Variants in STK24 observed in about 807,000 individuals in gnomAD.
STK24 encodes the protein serine/threonine-protein kinase 24.
STK24 carries 21 observed loss-of-function variants against 55.6 expected under a neutral mutation model. That is an observed-to-expected ratio of 0.38 (90% CI 0.27 to 0.54). STK24 has a LOEUF of 0.54. STK24 is among the 20% of genes least tolerant of loss of function. The probability of loss-of-function intolerance (pLI) is 0.79; values close to 1 mark genes in which losing one functional copy is unlikely to be tolerated. For missense variants in STK24, 383 were observed against 538.4 expected (o/e 0.71, Z 2.86); for synonymous variants, 200 against 215.2 (o/e 0.93, Z 0.62).
chr13:98,516,603 C>A (rs114978526), intron 2 of STK24, among the ~76,000 whole-genome samples: 2,446 of 152,318 alleles, frequency 0.016, 90 homozygotes, highest in African/African-American at 0.055. Flanking sequence ...ATGTGCCCTA[C>A]GTCCAGGCCT....
chr13:98,544,622 A>G (rs1896984110), intron 1 of STK24, among the ~76,000 whole-genome samples: 2 of 152,248 alleles, frequency 1.3e-5, no homozygotes, highest in African/African-American at 4.8e-5. Context: ...GCCAGGGTAC[A>G]TGGCAGGTCC....
At chr13:98,531,818 C>T (rs1422325847) in intron 1 of STK24, among the ~76,000 whole-genome samples, 1 of 152,132 alleles carries the variant, frequency 6.6e-6, no homozygotes, top group Non-Finnish European at 1.5e-5. Flanking sequence ...CCCACAATGG[C>T]CTCTGCTCTG....
chr13:98,506,976 T>C (rs369092547), intron 2 of STK24, among the ~76,000 whole-genome samples: 6 of 152,084 alleles, frequency 3.9e-5, no homozygotes, highest in East Asian at 1.9e-4. Flanking sequence ...ACTGGACACA[T>C]GCAAAGGGCG....
chr13:98,511,712 T>C lies in STK24; in HGVS notation c.273+7531A>G, dbSNP rs573592272. Among the ~76,000 whole-genome samples, 8 of 152,260 alleles carry C rather than the reference T, an allele frequency of 5.3e-5. No homozygotes were observed. In the South Asian group the frequency reaches 1.5e-3, roughly 28 times the overall value. Reference sequence around the variant, plus strand: ...AAAGCCACTAACAACAGATGTGTGATTCCATCTACGGTGCTCCGGAAAAGC... The same window carrying C: ...AAAGCCACTAACAACAGATGTGTGACTCCATCTACGGTGCTCCGGAAAAGC... On this transcript the variant is annotated intron_variant, in intron 2 of 10. Transcript: ENST00000539966.
In STK24 at chr13:98,448,332, C is replaced by T. The variant is rs190512050; in HGVS notation, c.*4841G>A. The T allele has an allele frequency of 1.1e-5, 17 of 1,589,906 alleles. No homozygotes were observed. Among genetic ancestry groups the T allele is most frequent in the African/African-American group, 8.0e-5 (6 of 74,604 alleles). On this transcript the variant is annotated 3_prime_UTR_variant, in exon 11 of 11. Coordinates refer to ENST00000539966, the MANE Select transcript of STK24 (RefSeq NM_001032296.4). ...TTGTGTATTGATGGCCGGACACACT[C>T]GTTTCCGCAGTGGCTGCTTTCCTGG...
At chr13:98,457,910 C>T (rs141643897) in intron 9 of STK24, among the ~76,000 whole-genome samples, 11 of 152,296 alleles carry the variant, frequency 7.2e-5, no homozygotes, top group South Asian at 6.2e-4. Flanking sequence ...CAAGTCTCAC[C>T]GTGATGGACT....
chr13:98,446,595 C>A lies in STK24; in HGVS notation c.*6578G>T. 1 of 1,518,512 alleles carries A rather than the reference C, an allele frequency of 6.6e-7. No individual in the cohort carries two copies. Among genetic ancestry groups the A allele is most frequent in the Non-Finnish European group, 9.1e-7 (1 of 1,102,862 alleles). 94.1% of individuals were successfully genotyped at this position (1,518,512 alleles called of 1,614,324 possible). On this transcript the variant is annotated 3_prime_UTR_variant, in exon 11 of 11. Coordinates refer to ENST00000539966, the MANE Select transcript of STK24 (RefSeq NM_001032296.4). ...TGGGCTCCCAAGTCCCTGTCTGATG[C>A]GGGGCAGCAGCCAGGCCCAGCAGCA... is the stretch of plus-strand genomic sequence containing the variant.
Position 98,445,785 on chromosome 13 carries a change from ACTAG to A in STK24, c.*7384_*7387del. 2 of 234,546 alleles carry A rather than the reference ACTAG, an allele frequency of 8.5e-6. No individual in the cohort carries two copies. Among genetic ancestry groups the A allele is most frequent in the Non-Finnish European group, 8.5e-6 (1 of 117,826 alleles). 14.5% of individuals were successfully genotyped at this position (234,546 alleles called of 1,614,324 possible). A position where few individuals can be genotyped will look rare whatever the true frequency, so the allele number is the denominator to read the frequency against. Reference sequence around the variant, plus strand: ...CCTACCCCAGTGTGATCTCGTCTTCACTAGTTACCCTGCAACGAGCCTATTTCCA... The same window carrying A: ...CCTACCCCAGTGTGATCTCGTCTTCATTACCCTGCAACGAGCCTATTTCCA... On this transcript the variant is annotated 3_prime_UTR_variant, in exon 11 of 11. Transcript: ENST00000539966.
chr13:98,557,532 G>A (rs926496147), intron 1 of STK24, among the ~76,000 whole-genome samples: 2 of 152,188 alleles, frequency 1.3e-5, no homozygotes, highest in Non-Finnish European at 2.9e-5. Context: ...GGCACAGTTC[G>A]ATCTGGCATC....
chr13:98,538,353 T>C (rs1896793981), intron 1 of STK24, among the ~76,000 whole-genome samples: 1 of 151,436 alleles, frequency 6.6e-6, no homozygotes, highest in Non-Finnish European at 1.5e-5. Context: ...GCTTCCCTGG[T>C]AGCTGGGGTT....
At chr13:98,506,764 C>T (rs753503895) in intron 2 of STK24, among the ~76,000 whole-genome samples, 3 of 152,210 alleles carry the variant, frequency 2.0e-5, no homozygotes, top group Non-Finnish European at 1.5e-5. Flanking sequence ...AAACCACGGA[C>T]ACGTGTTAGG....
intron 1 of STK24, among the ~76,000 whole-genome samples, chr13:98,562,661 G>C (rs1168859002): frequency 6.6e-6 from 1 of 152,062 alleles, no homozygotes; most frequent in Non-Finnish European, 1.5e-5. Context: ...CACGCCTGTA[G>C]TCCCAGCACT....
intron 2 of STK24, among the ~76,000 whole-genome samples, chr13:98,493,366 TTA>T (rs1467814403): frequency 1.3e-5 from 2 of 152,196 alleles, no homozygotes; most frequent in Non-Finnish European, 2.9e-5. Flanking sequence ...AACATTCTGC[TTA>T]AACTTAAGGA....
rs370111421 is a variant in STK24 at position 98,502,255 on chromosome 13, T to C, written c.273+16988A>G. 5.9e-4 allele frequency among the ~76,000 whole-genome samples: 90 copies of C among 152,278 alleles called. No homozygotes were observed. The East Asian group carries it at 6.0e-3, about 10-fold the overall frequency. ...CAGGGCCACATCTGCTATGTTCCTA[T>C]CTGCGTTCCTGGCCCGAAGCAGAGC... is the stretch of plus-strand genomic sequence containing the variant. On this transcript the variant is annotated intron_variant, in intron 2 of 10. Transcript: ENST00000539966.
intron 1 of STK24, among the ~76,000 whole-genome samples, chr13:98,569,699 A>G (rs1897687178): frequency 6.6e-6 from 1 of 152,056 alleles, no homozygotes; most frequent in Non-Finnish European, 1.5e-5. Flanking sequence ...TCTGCAGTCC[A>G]TTAATGTACA....
chr13:98,559,823 TTCTCATA>T (rs528268562), intron 1 of STK24, among the ~76,000 whole-genome samples: 182 of 151,698 alleles, frequency 1.2e-3, no homozygotes, highest in African/African-American at 4.3e-3. Context: ...GAGCACTAAC[TTCTCATA>T]TCTCATATCA....
chr13:98,478,653 C>T lies in STK24; in HGVS notation c.331-3295G>A, dbSNP rs114979783. On this transcript the variant is annotated intron_variant, in intron 3 of 10. Coordinates refer to ENST00000539966, the MANE Select transcript of STK24 (RefSeq NM_001032296.4). ...TGCTATGATGGCAACTTGGCCTAAA[C>T]ATTAATGAATATGCCATCTCATTTC... is the stretch of plus-strand genomic sequence containing the variant. Among the ~76,000 whole-genome samples, 1,281 of 152,348 alleles carry T rather than the reference C, an allele frequency of 8.4e-3. 23 individuals are homozygous for T. The highest frequency in any genetic ancestry group is 0.028 in the African/African-American group (1,181 of 41,576).
In STK24 at chr13:98,447,077, A is replaced by C; in HGVS notation, c.*6096T>G. ...ATCTTGCTTGGAGATCTCTGACATA[A>C]CGTGTCCGGGATGATGAAGCTAAGC... On this transcript the variant is annotated 3_prime_UTR_variant, in exon 11 of 11. Transcript: ENST00000539966. 4.4e-6 allele frequency: 2 copies of C among 451,854 alleles called. No homozygotes were observed. The highest frequency in any genetic ancestry group is 2.0e-5 in the African/African-American group (1 of 50,874). The allele number at this position is 451,854 out of a possible 1,614,324, so 28.0% of individuals were successfully genotyped here.
At position 98,446,817 on chromosome 13, in the gene STK24, G is replaced by A. The variant is rs1892870369; in HGVS notation, c.*6356C>T. 17 of 1,614,040 alleles carry A rather than the reference G, an allele frequency of 1.1e-5. No homozygotes were observed. The highest frequency in any genetic ancestry group is 1.4e-5 in the Non-Finnish European group (17 of 1,179,974). ...GCGGAAAGCGAGTACACGTTCGAAA[G>A]GTAGACACCCCCTTCCCACGCACAG... On this transcript the variant is annotated 3_prime_UTR_variant, in exon 11 of 11. Transcript: ENST00000539966.
Sources: gnomAD v4.1 joint callset for allele counts (sites outside exome capture counted in the v4.1 genomes callset) on GRCh38, gnomAD v4.1.1 for gene constraint, MANE v1.5 for transcripts, NCBI Gene and HGNC (gene_info 2026-07-23, HGNC 2026-07-21) for gene names.